C5: variants seen among roughly 807,000 people sequenced by gnomAD.
The protein encoded by C5 is complement C5.
Under a neutral mutation model 218.8 loss-of-function variants are expected in C5, and 140 were observed. That is an observed-to-expected ratio of 0.64 (90% CI 0.56 to 0.74). The LOEUF is 0.74. C5 is among the 30% of genes least tolerant of loss of function. The pLI is 0.00. For synonymous variants in C5, 614 were observed against 682.3 expected (o/e 0.90, Z 1.56); for missense variants, 1,700 against 1,969.6 (o/e 0.86, Z 2.59).
In C5 at chr9:120,974,918, G is replaced by C. The variant is rs2046941991; in HGVS notation, c.3878C>G (p.Ala1293Gly). 1 of 1,614,004 alleles carries C rather than the reference G, an allele frequency of 6.2e-7. No individual in the cohort carries two copies. Among genetic ancestry groups the C allele is most frequent in the African/African-American group, 1.3e-5 (1 of 74,910 alleles). The part of the protein sequence containing the change: ...GFYSTQDTIN[A>G]IEGLTEYSLL... ...TGAATATTCCGTCAGGCCCTCAATGGCATTGATTGTGTCCTGTCAGCAATC... is the reference window on the plus strand; with the variant it reads ...TGAATATTCCGTCAGGCCCTCAATGCCATTGATTGTGTCCTGTCAGCAATC... Residue 1293 changes from alanine to glycine, a missense_variant, in exon 30 of 41, where the codon GCC becomes GGC. Physicochemically the swap from Ala to Gly is moderately conservative, Grantham distance 60. Coordinates refer to ENST00000223642, the MANE Select transcript of C5 (RefSeq NM_001735.3).
intron 25 of C5, among the ~76,000 whole-genome samples, chr9:120,984,880 C>A (rs1264280471): frequency 6.6e-6 from 1 of 151,842 alleles, no homozygotes; most frequent in Non-Finnish European, 1.5e-5. Context: ...TGCCACCATG[C>A]CAAGCTAATT....
rs1188254815 is a variant in C5 at position 121,021,639 on chromosome 9, T to C, written c.1172A>G (p.Asn391Ser). 13 of 1,614,006 alleles carry C rather than the reference T, an allele frequency of 8.1e-6. No individual in the cohort carries two copies. Among genetic ancestry groups the C allele is most frequent in the Non-Finnish European group, 1.1e-5 (13 of 1,179,894 alleles). Residue 391 changes from asparagine (N) to serine (S), a missense_variant, in exon 11 of 41, where the codon AAT becomes AGT. Asn to Ser is a conservative substitution (Grantham distance 46). Transcript: ENST00000223642. ...TTGGTTTACATCAATTGTTTGTGCA[T>C]TCAGTGTTACTGGGACTCCTCCTAC... Reference protein sequence around the residue: ...QLVGGVPVTLNAQTIDVNQET... With the variant: ...QLVGGVPVTLSAQTIDVNQET...
At chr9:120,984,550 A>G (rs559477857) in intron 25 of C5, among the ~76,000 whole-genome samples, 4 of 152,178 alleles carry the variant, frequency 2.6e-5, no homozygotes, top group African/African-American at 9.6e-5. Flanking sequence ...TTATCTATAC[A>G]TCTGTATATA....
Position 121,017,646 on chromosome 9 carries a change from G to T in C5, c.1713C>A (p.Leu571=). The T allele has an allele frequency of 2.5e-6, 4 of 1,612,458 alleles. No individual in the cohort carries two copies. Among genetic ancestry groups the T allele is most frequent in the Non-Finnish European group, 3.4e-6 (4 of 1,178,854 alleles). Residue 571 remains leucine, a synonymous_variant, in exon 13 of 41, where the codon CTC becomes CTA. Transcript: ENST00000223642. The part of the protein sequence containing the change: ...LNIEEKCGNQ[L]QVHLSPDADA... ...TGACTTATAATTTGTGGCTTACCTG[G>T]AGCTGGTTGCCACATTTTTCTTCAA...
chr9:121,014,825 GAAGT>G (rs2047292587), intron 16 of C5, among the ~76,000 whole-genome samples: 1 of 152,108 alleles, frequency 6.6e-6, no homozygotes, highest in African/African-American at 2.4e-5. Flanking sequence ...ATATGAAATA[GAAGT>G]AATAGACTTC....
chr9:120,990,174 C>A (rs2047066788), intron 23 of C5, among the ~76,000 whole-genome samples: 1 of 152,176 alleles, frequency 6.6e-6, no homozygotes, highest in African/African-American at 2.4e-5. Context: ...CACTGTGCAA[C>A]CTTGGACATG....
chr9:121,070,302 A>G, the C5 span, among the ~76,000 whole-genome samples: 1 of 150,072 alleles, frequency 6.7e-6, no homozygotes, highest in East Asian at 2.0e-4. Flanking sequence ...GGTTGCGGTG[A>G]GCTGAGATCA....
intron 33 of C5, among the ~76,000 whole-genome samples, chr9:120,967,134 C>T (rs1196617153): frequency 6.6e-6 from 1 of 151,884 alleles, no homozygotes; most frequent in Non-Finnish European, 1.5e-5. Context: ...GTGGCATGTG[C>T]CTGTAATCCC....
chr9:120,962,861 G>C (rs1159100536), intron 35 of C5, 32 bp downstream of exon 35: 6 of 1,606,662 alleles, frequency 3.7e-6, no homozygotes, highest in Non-Finnish European at 5.1e-6. Context: ...AATAGTAATA[G>C]TAAAGGAAAA....
At chr9:121,074,629 C>T in the C5 span, 1 of 367,754 alleles carries the variant, frequency 2.7e-6, no homozygotes, top group South Asian at 2.0e-5. Flanking sequence ...GGACACAGGC[C>T]CTGAGAAGCG....
chr9:121,025,429 C>CACACACAT, intron 9 of C5, 25 bp downstream of exon 9: 1 of 1,592,030 alleles, frequency 6.3e-7, no homozygotes, highest in South Asian at 1.1e-5. Context: ...TACACACACA[C>CACACACAT]ACACACACAC....
intron 40 of C5, 104 bp downstream of exon 40, chr9:120,953,626 T>C (rs1429289826): frequency 8.6e-7 from 1 of 1,157,122 alleles, no homozygotes; most frequent in African/African-American, 1.5e-5. Flanking sequence ...CAAAATGGTT[T>C]GTTGGTTAAG....
At chr9:120,990,591 T>A (rs2047069759) in intron 23 of C5, among the ~76,000 whole-genome samples, 1 of 152,168 alleles carries the variant, frequency 6.6e-6, no homozygotes. Context: ...TTTTGCCCTT[T>A]TGCCTTTCCA....
the C5 span, among the ~76,000 whole-genome samples, chr9:121,073,864 A>G: frequency 6.6e-6 from 1 of 152,154 alleles, no homozygotes; most frequent in Admixed American, 6.6e-5. Context: ...GTTAATAGGT[A>G]AAAGGACCTC....
intron 33 of C5, among the ~76,000 whole-genome samples, chr9:120,964,226 C>A (rs1338060034): frequency 6.6e-6 from 1 of 152,138 alleles, no homozygotes; most frequent in Non-Finnish European, 1.5e-5. Flanking sequence ...GCCTATAATC[C>A]CAGCACTTTG....
chr9:120,974,644 T>C lies in C5; in HGVS notation c.4017+135A>G. 6.0e-6 allele frequency: 5 copies of C among 838,056 alleles called. 1 individual carries two copies. The highest frequency in any genetic ancestry group is 5.7e-5 in the South Asian group (4 of 70,302). 51.9% of individuals were successfully genotyped at this position (838,056 alleles called of 1,614,324 possible). A position where few individuals can be genotyped will look rare whatever the true frequency, so the allele number is the denominator to read the frequency against. On this transcript the variant is annotated intron_variant, in intron 30 of 40. Coordinates refer to ENST00000223642, the MANE Select transcript of C5 (RefSeq NM_001735.3). ...CTCAGTGCCCAGGATATAGCAGGCA[T>C]CCCTGTTTAGGACATAGCTGACACT...
At chr9:121,047,390 G>A (rs978038266) in intron 1 of C5, among the ~76,000 whole-genome samples, 3 of 152,096 alleles carry the variant, frequency 2.0e-5, no homozygotes, top group Non-Finnish European at 2.9e-5. Flanking sequence ...ATGCTTTTGA[G>A]TGATTTTTAA....
At chr9:121,073,076 G>C in the C5 span, among the ~76,000 whole-genome samples, 1 of 152,132 alleles carries the variant, frequency 6.6e-6, no homozygotes, top group Admixed American at 6.5e-5. Context: ...GACGTCCCCT[G>C]AATTTCCTAT....
chr9:120,999,300 T>C (rs1483182808), intron 20 of C5, among the ~76,000 whole-genome samples: 1 of 152,056 alleles, frequency 6.6e-6, no homozygotes, highest in African/African-American at 2.4e-5. Flanking sequence ...GGAGGGAAAG[T>C]GACACTTGGG....
Sources: gnomAD v4.1 joint callset for allele counts (sites outside exome capture counted in the v4.1 genomes callset) on GRCh38, gnomAD v4.1.1 for gene constraint, MANE v1.5 for transcripts, NCBI Gene and HGNC (gene_info 2026-07-23, HGNC 2026-07-21) for gene names.